The following METTL15 variants were observed in gnomAD, a reference collection of about 807,000 sequenced individuals.
METTL15 encodes methyltransferase 15, mitochondrial 12S rRNA N4-cytidine.
In METTL15, 34 loss-of-function variants were observed where a neutral mutation model predicts 38.3. That is an observed-to-expected ratio of 0.89 (90% CI 0.68 to 1.18). The LOEUF is 1.18. METTL15 is among the 50% of genes most tolerant of loss of function. The pLI is 0.00. For synonymous variants in METTL15, 162 were observed against 170.9 expected, an observed-to-expected ratio of 0.95 and a Z score of 0.41; for missense variants, 438 against 498.4, an observed-to-expected ratio of 0.88 and a Z score of 1.15.
intron 6 of METTL15, among the ~76,000 whole-genome samples, chr11:28,500,776 G>A (rs1159481546): frequency 6.6e-6 from 1 of 152,058 alleles, no homozygotes; most frequent in Admixed American, 6.6e-5. Context: ...ACTCTCCTTG[G>A]CCCCCCAAAG....
intron 3 of METTL15, among the ~76,000 whole-genome samples, chr11:28,144,454 A>G (rs1849809983): frequency 6.6e-6 from 1 of 152,128 alleles, no homozygotes; most frequent in African/African-American, 2.4e-5. Context: ...GCTTATATAG[A>G]GAAATATTAA....
At chr11:28,290,859 A>G (rs1856484127) in intron 5 of METTL15, among the ~76,000 whole-genome samples, 1 of 151,614 alleles carries the variant, frequency 6.6e-6, no homozygotes, top group Admixed American at 6.6e-5. Context: ...GTCCTGTCTT[A>G]TGCAGTCACT....
chr11:28,282,854 G>A (rs1313456874), intron 4 of METTL15, among the ~76,000 whole-genome samples: 3 of 152,138 alleles, frequency 2.0e-5, no homozygotes, highest in Non-Finnish European at 4.4e-5. Flanking sequence ...ACCAAGCTGA[G>A]CCCAACTTAG....
intron 6 of METTL15, among the ~76,000 whole-genome samples, chr11:28,434,298 G>T (rs1850962581): frequency 6.6e-6 from 1 of 152,184 alleles, no homozygotes; most frequent in South Asian, 2.1e-4. Flanking sequence ...GGCCTGCCCA[G>T]CCATGCTGAA....
intron 5 of METTL15, among the ~76,000 whole-genome samples, chr11:28,373,591 T>G (rs1850270996): frequency 6.6e-6 from 1 of 152,042 alleles, no homozygotes; most frequent in Admixed American, 6.6e-5. Flanking sequence ...GATGGTAGTT[T>G]CTTTTGCTGT....
intron 3 of METTL15, among the ~76,000 whole-genome samples, chr11:28,183,699 G>A (rs189104025): frequency 6.6e-6 from 1 of 152,152 alleles, no homozygotes; most frequent in East Asian, 1.9e-4. Context: ...AGTTCATCAG[G>A]GATATTGGCC....
At chr11:28,286,639 C>T (rs1398656543) in intron 4 of METTL15, among the ~76,000 whole-genome samples, 1 of 151,988 alleles carries the variant, frequency 6.6e-6, no homozygotes, top group African/African-American at 2.4e-5. Context: ...TTTAACAAAA[C>T]AGTAGTGAGT....
At chr11:28,476,616 T>C (rs1345083471) in intron 6 of METTL15, among the ~76,000 whole-genome samples, 1 of 152,186 alleles carries the variant, frequency 6.6e-6, no homozygotes, top group Middle Eastern at 3.2e-3. Context: ...CCTCGTTCTT[T>C]CCTAAGAGAA....
At chr11:28,185,624 A>G (rs1490950171) in intron 3 of METTL15, among the ~76,000 whole-genome samples, 1 of 151,346 alleles carries the variant, frequency 6.6e-6, no homozygotes, top group Non-Finnish European at 1.5e-5. Flanking sequence ...TAATCCACTT[A>G]GAAGTAAAAT....
chr11:28,163,551 CTG>C (rs879313889), intron 3 of METTL15: 7,137 of 245,662 alleles, frequency 0.029, no homozygotes, highest in East Asian at 0.07. Context: ...CTCTCTCTCT[CTG>C]TGTGTGTGTG....
At chr11:28,456,744 C>A (rs1851172693) in intron 6 of METTL15, among the ~76,000 whole-genome samples, 1 of 152,066 alleles carries the variant, frequency 6.6e-6, no homozygotes, top group Admixed American at 6.6e-5. Flanking sequence ...CTGGCCACAG[C>A]CCCCATGTTT....
rs150087315 is a variant in METTL15 at position 28,398,616 on chromosome 11, T to G, written c.*359-25683T>G. Reference sequence around the variant, plus strand: ...AGATTGCAAAAATTTTCTCACATTCTGTAGGTTGCCTATTCACTCTGATGA... The same window carrying G: ...AGATTGCAAAAATTTTCTCACATTCGGTAGGTTGCCTATTCACTCTGATGA... On this transcript the variant is annotated intron_variant and NMD_transcript_variant, in intron 5 of 7. Coordinates refer to the METTL15 transcript ENST00000532947. Among the ~76,000 whole-genome samples the G allele has an allele frequency of 4.8e-3, 731 of 152,304 alleles. 2 individuals are homozygous for G. Among genetic ancestry groups the G allele is most frequent in the Non-Finnish European group, 7.2e-3 (489 of 68,024 alleles).
intron 3 of METTL15, among the ~76,000 whole-genome samples, chr11:28,166,596 G>A (rs1443668861): frequency 6.6e-6 from 1 of 152,114 alleles, no homozygotes; most frequent in Non-Finnish European, 1.5e-5. Context: ...CATTTGTGAT[G>A]TTTTATTAAA....
Position 28,492,812 on chromosome 11 carries a change from C to T in METTL15, c.*425-33666C>T, listed in dbSNP as rs534238702. ...AAGGTATGTGAGGCACCTAGTATGG[C>T]GTCTAGCCTCAGGAAATGATAGTTG... On this transcript the variant is annotated intron_variant and NMD_transcript_variant, in intron 6 of 7. Coordinates refer to the METTL15 transcript ENST00000532947. Among the ~76,000 whole-genome samples the T allele has an allele frequency of 3.3e-5, 5 of 152,112 alleles. No individual in the cohort carries two copies. The South Asian group carries it at 8.3e-4, about 25-fold the overall frequency.
intron 4 of METTL15, among the ~76,000 whole-genome samples, chr11:28,212,167 A>G (rs1419565496): frequency 6.6e-6 from 1 of 152,062 alleles, no homozygotes; most frequent in East Asian, 1.9e-4. Context: ...AACTCTTTGC[A>G]AATCTAATGA....
At chr11:28,311,323 T>C (rs1857297423) in intron 6 of METTL15, among the ~76,000 whole-genome samples, 1 of 152,166 alleles carries the variant, frequency 6.6e-6, no homozygotes, top group African/African-American at 2.4e-5. Flanking sequence ...AGGGAGAAAT[T>C]CCTGTGAGAA....
intron 6 of METTL15, among the ~76,000 whole-genome samples, chr11:28,316,497 G>C (rs1857485356): frequency 6.6e-6 from 1 of 152,206 alleles, no homozygotes; most frequent in Non-Finnish European, 1.5e-5. Context: ...CCTTGTCTCA[G>C]ATGAGACATT....
At chr11:28,496,569 G>T (rs530069667) in intron 6 of METTL15, among the ~76,000 whole-genome samples, 2 of 152,314 alleles carry the variant, frequency 1.3e-5, no homozygotes, top group South Asian at 4.1e-4. Flanking sequence ...GGTCACCAGA[G>T]AGTTTTATGG....
rs1849854980 is a variant in METTL15, at chr11:28,332,872, G to C, written c.*2031G>C. On this transcript the variant is annotated 3_prime_UTR_variant, in exon 7 of 7. Coordinates refer to ENST00000407364, the MANE Select transcript of METTL15 (RefSeq NM_001113528.2). The stretch of plus-strand genomic sequence containing the variant: ...AGGCACAAGAATCACTCGAACCTGG[G>C]AGGTGGAGGTTGCGAGATCACACCA... 6.7e-6 allele frequency: 1 copy of C among 149,616 alleles called. No homozygotes were observed. Among genetic ancestry groups the C allele is most frequent in the South Asian group, 2.1e-4 (1 of 4,698 alleles). 9.3% of individuals were successfully genotyped at this position (149,616 alleles called of 1,614,324 possible). A position where few individuals can be genotyped will look rare whatever the true frequency, so the allele number is the denominator to read the frequency against.
Sources: gnomAD v4.1 joint callset for allele counts (sites outside exome capture counted in the v4.1 genomes callset) on GRCh38, gnomAD v4.1.1 for gene constraint, MANE v1.5 for transcripts, NCBI Gene and HGNC (gene_info 2026-07-23, HGNC 2026-07-21) for gene names.